The following RTN1 variants were observed in gnomAD, a reference collection of about 807,000 sequenced individuals.
RTN1 encodes reticulon 1, also known as reticulon-1.
RTN1 carries 25 observed loss-of-function variants against 65.5 expected under a neutral mutation model. The ratio of observed to expected loss-of-function variants is 0.38; its 90% CI spans 0.28 to 0.53. The LOEUF (loss-of-function observed/expected upper bound fraction) is 0.53. Among genes scored for constraint, RTN1 ranks in the 20% least tolerant of loss-of-function variants. The pLI, the probability that RTN1 is intolerant of heterozygous loss-of-function variation, is 0.79. For synonymous variants in RTN1, 471 were observed against 447.6 expected (o/e 1.05, Z -0.66); for missense variants, 983 against 1,025.4 (o/e 0.96, Z 0.57).
intron 3 of RTN1, among the ~76,000 whole-genome samples, chr14:59,642,676 A>C (rs1434640090): frequency 6.6e-6 from 1 of 152,118 alleles, no homozygotes; most frequent in Non-Finnish European, 1.5e-5. Flanking sequence ...AATAGTTTCC[A>C]TGTCTCTGTT....
At chr14:59,617,630 T>C (rs971950954) in intron 3 of RTN1, among the ~76,000 whole-genome samples, 2 of 152,240 alleles carry the variant, frequency 1.3e-5, no homozygotes, top group African/African-American at 4.8e-5. Flanking sequence ...AGGTTTTTTC[T>C]GCAGTTTAAA....
In RTN1 at chr14:59,749,164, CTATA is replaced by C. The variant is rs1363556505; in HGVS notation, c.242-2687_242-2684del. Among the ~76,000 whole-genome samples the C allele has an allele frequency of 5.8e-3, 468 of 80,120 alleles. 90 individuals are homozygous for C. The highest frequency in any genetic ancestry group is 0.032 in the African/African-American group (435 of 13,422). The allele number at this position is 80,120 out of a possible 152,430, so 52.6% of individuals were successfully genotyped here. On this transcript the variant is annotated intron_variant, in intron 1 of 8. Transcript: ENST00000267484. ...TATCTATCTATCTATCTATATCTAT[CTATA>C]TATCTATCTATATATCTATCTATAT...
intron 4 of RTN1, chr14:59,606,061 T>G (rs1455361488): frequency 1.4e-5 from 2 of 148,062 alleles, no homozygotes; most frequent in African/African-American, 5.2e-5. Flanking sequence ...CATTTTTCAT[T>G]AGTTCAAATG....
chr14:59,733,977 A>C (rs1884955079), intron 2 of RTN1, among the ~76,000 whole-genome samples: 1 of 152,088 alleles, frequency 6.6e-6, no homozygotes, highest in Admixed American at 6.5e-5. Context: ...CTACAGGCAC[A>C]TTTGGGCTGG....
chr14:59,690,801 A>T (rs1169981845), intron 3 of RTN1, among the ~76,000 whole-genome samples: 1 of 152,170 alleles, frequency 6.6e-6, no homozygotes, highest in Admixed American at 6.5e-5. Context: ...TCAAAACCAT[A>T]TAACTGCATG....
At chr14:59,726,447 G>A (rs1884762062) in intron 3 of RTN1, among the ~76,000 whole-genome samples, 1 of 152,186 alleles carries the variant, frequency 6.6e-6, no homozygotes, top group South Asian at 2.1e-4. Flanking sequence ...AAAGGATGGA[G>A]CTGAGCTCCA....
intron 3 of RTN1, among the ~76,000 whole-genome samples, chr14:59,665,530 C>T (rs560511533): frequency 2.0e-5 from 3 of 152,260 alleles, no homozygotes; most frequent in South Asian, 4.1e-4. Context: ...GAAACTGCAT[C>T]AATTAACGGG....
chr14:59,722,843 G>T (rs1301146825), intron 3 of RTN1, among the ~76,000 whole-genome samples: 1 of 151,054 alleles, frequency 6.6e-6, no homozygotes, highest in African/African-American at 2.4e-5. Flanking sequence ...TGTTGCACAG[G>T]CTGGAGTGCA....
intron 1 of RTN1, among the ~76,000 whole-genome samples, chr14:59,750,320 A>G (rs1282549603): frequency 3.6e-5 from 1 of 27,720 alleles, no homozygotes; most frequent in Non-Finnish European, 6.0e-5. Flanking sequence ...TATAATATCT[A>G]TAATATATAA....
intron 3 of RTN1, among the ~76,000 whole-genome samples, chr14:59,693,354 GTGT>G (rs1337215911): frequency 6.6e-6 from 1 of 151,946 alleles, no homozygotes; most frequent in African/African-American, 2.4e-5. Flanking sequence ...TTTTTTATTT[GTGT>G]TTTTTTATTT....
At chr14:59,835,729 A>C (rs1887201650) in intron 1 of RTN1, among the ~76,000 whole-genome samples, 1 of 152,200 alleles carries the variant, frequency 6.6e-6, no homozygotes, top group East Asian at 1.9e-4. Context: ...TAATTATGTT[A>C]AGGCTGTGAT....
At chr14:59,866,451 G>A (rs1009592405) in intron 1 of RTN1, among the ~76,000 whole-genome samples, 1 of 152,096 alleles carries the variant, frequency 6.6e-6, no homozygotes, top group Non-Finnish European at 1.5e-5. Flanking sequence ...GAGCAGGGTG[G>A]TTTTCTTGGA....
intron 2 of RTN1, among the ~76,000 whole-genome samples, chr14:59,744,654 A>G (rs1746503522): frequency 6.6e-6 from 1 of 152,144 alleles, no homozygotes; most frequent in South Asian, 2.1e-4. Flanking sequence ...ATATAAAATG[A>G]CAGTGTTGAG....
chr14:59,732,688 T>G (rs1420043944), intron 2 of RTN1, among the ~76,000 whole-genome samples: 1 of 152,156 alleles, frequency 6.6e-6, no homozygotes, highest in African/African-American at 2.4e-5. Context: ...TGCTCAGGCA[T>G]GCACAGAGAC....
At chr14:59,598,759 A>C (rs968680220) in intron 8 of RTN1, among the ~76,000 whole-genome samples, 15 of 152,210 alleles carry the variant, frequency 9.9e-5, no homozygotes, top group Non-Finnish European at 1.2e-4. Context: ...ACTGCTCTTG[A>C]GAGAAAAAGG....
chr14:59,627,429 G>A (rs1344460475), intron 3 of RTN1, among the ~76,000 whole-genome samples: 2 of 152,154 alleles, frequency 1.3e-5, no homozygotes. Flanking sequence ...ACACCACACA[G>A]GTTTTGTGGG....
chr14:59,752,665 C>A (rs1331400511), intron 1 of RTN1, among the ~76,000 whole-genome samples: 1 of 152,060 alleles, frequency 6.6e-6, no homozygotes, highest in Non-Finnish European at 1.5e-5. Context: ...CCTGTCAGCT[C>A]CTGGATTTTG....
At chr14:59,607,206 G>T in intron 4 of RTN1, 79 bp downstream of exon 4, 1 of 1,257,596 alleles carries the variant, frequency 8.0e-7, no homozygotes, top group Non-Finnish European at 1.1e-6. Context: ...CATGACTCAA[G>T]TGCATCTGTG....
At chr14:59,716,625 A>G (rs1176068403) in intron 3 of RTN1, among the ~76,000 whole-genome samples, 1 of 152,170 alleles carries the variant, frequency 6.6e-6, no homozygotes, top group Non-Finnish European at 1.5e-5. Flanking sequence ...ATATCTTCTT[A>G]TATCATAATC....
Sources: gnomAD v4.1 joint callset for allele counts (sites outside exome capture counted in the v4.1 genomes callset) on GRCh38, gnomAD v4.1.1 for gene constraint, MANE v1.5 for transcripts, NCBI Gene and HGNC (gene_info 2026-07-23, HGNC 2026-07-21) for gene names.